SYNCRIP: variants seen among roughly 807,000 people sequenced by gnomAD.
The protein encoded by SYNCRIP is heterogeneous nuclear ribonucleoprotein Q.
In SYNCRIP, 9 loss-of-function variants were observed where a neutral mutation model predicts 68.9. The observed-to-expected ratio is 0.13, with a 90% confidence interval of 0.08 to 0.23. The LOEUF (loss-of-function observed/expected upper bound fraction) is 0.23. Among genes scored for constraint, SYNCRIP ranks in the 10% least tolerant of loss-of-function variants. The pLI is 1.00. For synonymous variants in SYNCRIP, 258 were observed against 254.0 expected, an observed-to-expected ratio of 1.02 and a Z score of -0.15; for missense variants, 414 against 770.6, an observed-to-expected ratio of 0.54 and a Z score of 5.48.
At chr6:85,643,478 G>A (rs1809452227), upstream of SYNCRIP, among the ~76,000 whole-genome samples, 1 of 151,868 alleles carries the variant, frequency 6.6e-6, no homozygotes, top group Non-Finnish European at 1.5e-5. Context: ...GAGGGGCCGA[G>A]ACTGAATGAA....
chr6:85,621,597 C>T (rs1257539494), intron 8 of SYNCRIP, among the ~76,000 whole-genome samples: 1 of 139,020 alleles, frequency 7.2e-6, no homozygotes, highest in East Asian at 2.0e-4. Flanking sequence ...CAGATCTAGA[C>T]CCTGTCACTT....
chr6:85,628,209 C>A lies in SYNCRIP; in HGVS notation c.667-4097G>T, dbSNP rs189770496. ...TAGCTGGGACCACAGGCGTGTGCCA[C>A]CACACCCGGCTAATTTTTGTATTTT... On this transcript the variant is annotated intron_variant, in intron 6 of 10. Coordinates refer to ENST00000369622, the MANE Select transcript of SYNCRIP (RefSeq NM_006372.5). Among the ~76,000 whole-genome samples the A allele has an allele frequency of 3.2e-3, 485 of 152,270 alleles. 2 individuals carry two copies. The highest frequency in any genetic ancestry group is 7.2e-3 in the Admixed American group (110 of 15,294).
At position 85,622,356 on chromosome 6, in the gene SYNCRIP, A is replaced by T; in HGVS notation, c.1008+126T>A. The T allele has an allele frequency of 3.2e-6, 3 of 927,064 alleles. No individual in the cohort carries two copies. In the Admixed American group the frequency reaches 7.1e-5, roughly 22 times the overall value. The allele number at this position is 927,064 out of a possible 1,614,324, so 57.4% of individuals were successfully genotyped here. ...GGCACTCCAGCCTGGGAAACATGGGAAACAAGAGACTCTTGTCTCAAAAAA... is the reference window on the plus strand; with the variant it reads ...GGCACTCCAGCCTGGGAAACATGGGTAACAAGAGACTCTTGTCTCAAAAAA... On this transcript the variant is annotated intron_variant, in intron 8 of 10. Coordinates refer to ENST00000369622, the MANE Select transcript of SYNCRIP (RefSeq NM_006372.5).
downstream of SYNCRIP, chr6:85,610,431 TTC>T (rs1805151116): frequency 6.6e-6 from 1 of 151,980 alleles, no homozygotes; most frequent in African/African-American, 2.4e-5. Context: ...ATTCTTCAAT[TTC>T]TTTTTATCAG....
Position 85,618,898 on chromosome 6 carries a change from A to G in SYNCRIP, c.1200T>C (p.Asn400=), listed in dbSNP as rs1183793408. The G allele has an allele frequency of 6.2e-7, 1 of 1,613,042 alleles. No homozygotes were observed. Among genetic ancestry groups the G allele is most frequent in the Admixed American group, 1.7e-5 (1 of 59,992 alleles). Residue 400 remains asparagine, a synonymous_variant, in exon 10 of 11, where the codon AAT becomes AAC. Transcript: ENST00000369622. ...GTGGCTTGGCAAAAACAATTTCAAT[A>G]TTTTCTCCCTCCAAGTCTTTGCCAT... is the stretch of plus-strand genomic sequence containing the variant. ...EMNGKDLEGE[N]IEIVFAKPPD...
At chr6:85,643,475 C>A (rs1314354449), upstream of SYNCRIP, among the ~76,000 whole-genome samples, 1 of 151,954 alleles carries the variant, frequency 6.6e-6, no homozygotes, top group African/African-American at 2.4e-5. Context: ...GCCGAGGGGC[C>A]GAGACTGAAT....
At chr6:85,628,473 A>C (rs1380827591) in intron 6 of SYNCRIP, among the ~76,000 whole-genome samples, 44 of 152,146 alleles carry the variant, frequency 2.9e-4, no homozygotes, top group Non-Finnish European at 2.9e-5. Context: ...CAAGCACATG[A>C]CTCAGTTGTT....
chr6:85,629,940 C>T (rs949871986), intron 6 of SYNCRIP, among the ~76,000 whole-genome samples: 2 of 150,936 alleles, frequency 1.3e-5, no homozygotes, highest in Non-Finnish European at 2.9e-5. Context: ...GCTGAGATAG[C>T]GCCGCTGTGC....
chr6:85,626,910 A>G (rs544790373), intron 6 of SYNCRIP, among the ~76,000 whole-genome samples: 81 of 152,288 alleles, frequency 5.3e-4, no homozygotes, highest in African/African-American at 1.9e-3. Context: ...CATAAATAAC[A>G]CAAAGATTTA....
intron 8 of SYNCRIP, 148 bp from the exon 9 acceptor site, chr6:85,619,565 G>GT: frequency 1.5e-6 from 1 of 676,550 alleles, no homozygotes. Context: ...AACTCCTTGG[G>GT]TAAATATCAA....
At chr6:85,622,256 T>C (rs547980206) in intron 8 of SYNCRIP, among the ~76,000 whole-genome samples, 1 of 152,074 alleles carries the variant, frequency 6.6e-6, no homozygotes, top group East Asian at 1.9e-4. Context: ...GAGCCTGTAA[T>C]TCCAGCTACT....
At chr6:85,632,573 T>C (rs1266735751) in intron 6 of SYNCRIP, among the ~76,000 whole-genome samples, 1 of 152,228 alleles carries the variant, frequency 6.6e-6, no homozygotes, top group Non-Finnish European at 1.5e-5. Context: ...CTTCACTTTC[T>C]CTAAAATCTA....
At chr6:85,615,809 CA>C (rs1231261538) in intron 10 of SYNCRIP, among the ~76,000 whole-genome samples, 1 of 151,184 alleles carries the variant, frequency 6.6e-6, no homozygotes, top group Non-Finnish European at 1.5e-5. Flanking sequence ...GACTCTGACT[CA>C]AAAAAAAATT....
At position 85,639,744 on chromosome 6, in the gene SYNCRIP, T is replaced by C. The variant is rs544029162; in HGVS notation, c.375+477A>G. ...TCCTCCTCCTAGCCTCAGTTTCTCA[T>C]CTACATACCCACACTAAACAATCTT... On this transcript the variant is annotated intron_variant, in intron 4 of 10. Coordinates refer to ENST00000369622, the MANE Select transcript of SYNCRIP (RefSeq NM_006372.5). Among the ~76,000 whole-genome samples, 4 of 152,290 alleles carry C rather than the reference T, an allele frequency of 2.6e-5. No homozygotes were observed. In the South Asian group the frequency reaches 6.2e-4, roughly 24 times the overall value.
Position 85,622,393 on chromosome 6 carries a change from A to G in SYNCRIP, c.1008+89T>C, listed in dbSNP as rs1388056013. 2.5e-6 allele frequency: 3 copies of G among 1,222,654 alleles called. No individual in the cohort carries two copies. The South Asian group carries it at 3.9e-5, about 16-fold the overall frequency. The allele number at this position is 1,222,654 out of a possible 1,614,324, so 75.7% of individuals were successfully genotyped here. On this transcript the variant is annotated intron_variant, in intron 8 of 10. Coordinates refer to ENST00000369622, the MANE Select transcript of SYNCRIP (RefSeq NM_006372.5). ...CTTGTCTCAAAAAATAAAAAAATGTATACTGTTCATTTTATGTTCCCCCCA... is the reference window on the plus strand; with the variant it reads ...CTTGTCTCAAAAAATAAAAAAATGTGTACTGTTCATTTTATGTTCCCCCCA...
At chr6:85,612,843 T>C, downstream of SYNCRIP, 1 of 1,548,406 alleles carries the variant, frequency 6.5e-7, no homozygotes, top group Non-Finnish European at 8.7e-7. Context: ...ATTACTCCAC[T>C]GCAAGCTTCT....
intron 8 of SYNCRIP, among the ~76,000 whole-genome samples, chr6:85,619,775 T>C (rs1375124017): frequency 2.0e-5 from 3 of 150,456 alleles, no homozygotes; most frequent in Non-Finnish European, 3.0e-5. Flanking sequence ...CTCTCATTCA[T>C]TGCTGGTGGG....
chr6:85,611,853 G>C (rs1465832456), downstream of SYNCRIP: 6 of 152,522 alleles, frequency 3.9e-5, no homozygotes, highest in East Asian at 1.2e-3. Flanking sequence ...TAATTTCTAT[G>C]ATTTATGAAA....
chr6:85,625,885 C>A (rs567340483), intron 6 of SYNCRIP, among the ~76,000 whole-genome samples: 2 of 152,116 alleles, frequency 1.3e-5, no homozygotes, highest in East Asian at 1.9e-4. Context: ...TTTTGCCCCC[C>A]AGAAGTCATT....
Sources: gnomAD v4.1 joint callset for allele counts (sites outside exome capture counted in the v4.1 genomes callset) on GRCh38, gnomAD v4.1.1 for gene constraint, MANE v1.5 for transcripts, NCBI Gene and HGNC (gene_info 2026-07-23, HGNC 2026-07-21) for gene names.